Variants in ADARB2 observed in about 807,000 individuals in gnomAD.
The protein encoded by ADARB2 is inactive double-stranded RNA-specific editase B2.
A neutral mutation model predicts 62.2 loss-of-function variants in ADARB2; 25 were observed. The ratio of observed to expected loss-of-function variants is 0.40; its 90% CI spans 0.29 to 0.56. The LOEUF is 0.56. Among genes scored for constraint, ADARB2 ranks in the 20% least tolerant of loss-of-function variants. The pLI, the probability that ADARB2 is intolerant of heterozygous loss-of-function variation, is 0.43. For missense variants in ADARB2, 1,071 were observed against 1,077.4 expected (o/e 0.99, Z 0.08); for synonymous variants, 572 against 500.8 (o/e 1.14, Z -1.90).
chr10:1,493,084 A>G (rs1227377529), intron 1 of ADARB2, among the ~76,000 whole-genome samples: 1 of 152,218 alleles, frequency 6.6e-6, no homozygotes, highest in Admixed American at 6.5e-5. Flanking sequence ...AGTTGTAAAA[A>G]TGCTTCATCA....
At chr10:1,645,208 T>C (rs1395862347) in intron 1 of ADARB2, among the ~76,000 whole-genome samples, 1 of 152,210 alleles carries the variant, frequency 6.6e-6, no homozygotes, top group Non-Finnish European at 1.5e-5. Context: ...GATTAGCCAA[T>C]AGCACGATTC....
At chr10:1,425,138 G>A (rs1832884147) in intron 1 of ADARB2, among the ~76,000 whole-genome samples, 1 of 152,146 alleles carries the variant, frequency 6.6e-6, no homozygotes, top group Admixed American at 6.5e-5. Flanking sequence ...TTGCTCCATG[G>A]TATTTTAAGT....
intron 1 of ADARB2, among the ~76,000 whole-genome samples, chr10:1,457,479 G>A (rs2820632): frequency 0.67 from 101,716 of 152,016 alleles, 34,795 homozygotes; most frequent in Non-Finnish European, 0.75. Flanking sequence ...ACATAAAAGC[G>A]TATTGCTGCA....
chr10:1,332,485 T>TG (rs1831938782), intron 3 of ADARB2, among the ~76,000 whole-genome samples: 2 of 144,082 alleles, frequency 1.4e-5, no homozygotes, highest in African/African-American at 4.9e-5. Flanking sequence ...AGTTTTGTTT[T>TG]TTTTTTTTTT....
At position 1,187,386 on chromosome 10, in the gene ADARB2, C is replaced by T. The variant is rs185001426; in HGVS notation, c.1865-2347G>A. On this transcript the variant is annotated intron_variant, in intron 8 of 9. Coordinates refer to ENST00000381312, the MANE Select transcript of ADARB2 (RefSeq NM_018702.4). ...ACCAGGCGGCCTCCCCTCCTCCTCCCGCTCCCATCGCCAGGCGGCCTCCCC... is the reference window on the plus strand; with the variant it reads ...ACCAGGCGGCCTCCCCTCCTCCTCCTGCTCCCATCGCCAGGCGGCCTCCCC... 1.1e-3 allele frequency among the ~76,000 whole-genome samples: 169 copies of T among 152,004 alleles called. 3 individuals carry two copies. In the East Asian group the frequency reaches 0.028, roughly 25 times the overall value.
chr10:1,521,745 C>A (rs530563634), intron 1 of ADARB2, among the ~76,000 whole-genome samples: 2 of 152,026 alleles, frequency 1.3e-5, no homozygotes, highest in African/African-American at 4.8e-5. Context: ...ATGCTTAAAT[C>A]TATCTATAAG....
chr10:1,242,963 T>A lies in ADARB2; in HGVS notation c.1193-664A>T, dbSNP rs190555721. ...AAAGTATAATATTCATCACTTTGTT[T>A]AAGGAGGAGAAGCTGGAAGACACAA... On this transcript the variant is annotated intron_variant, in intron 4 of 9. Coordinates refer to ENST00000381312, the MANE Select transcript of ADARB2 (RefSeq NM_018702.4). Among the ~76,000 whole-genome samples, 120 of 152,304 alleles carry A rather than the reference T, an allele frequency of 7.9e-4. 1 individual carries two copies. Among genetic ancestry groups the A allele is most frequent in the Admixed American group, 2.4e-3 (36 of 15,300 alleles).
chr10:1,627,682 A>G (rs188134254), intron 1 of ADARB2, among the ~76,000 whole-genome samples: 2 of 152,214 alleles, frequency 1.3e-5, no homozygotes, highest in African/African-American at 4.8e-5. Flanking sequence ...TACAGATTAC[A>G]CTAGAAAGAG....
At chr10:1,190,146 C>G (rs918327144) in intron 8 of ADARB2, among the ~76,000 whole-genome samples, 1 of 151,458 alleles carries the variant, frequency 6.6e-6, no homozygotes, top group Non-Finnish European at 1.5e-5. Context: ...GGAGTCTGAA[C>G]TCAGAAAACA....
intron 1 of ADARB2, among the ~76,000 whole-genome samples, chr10:1,647,840 G>T (rs1438349919): frequency 6.6e-6 from 1 of 151,830 alleles, no homozygotes; most frequent in African/African-American, 2.4e-5. Flanking sequence ...GTGTATATAT[G>T]CATGTGTGTA....
chr10:1,319,697 C>T (rs1303904587), intron 3 of ADARB2, among the ~76,000 whole-genome samples: 1 of 140,412 alleles, frequency 7.1e-6, no homozygotes, highest in Non-Finnish European at 1.6e-5. Flanking sequence ...ATGTTTCCCT[C>T]TTTGTCTTGA....
At chr10:1,434,474 A>G (rs939752311) in intron 1 of ADARB2, among the ~76,000 whole-genome samples, 1 of 152,188 alleles carries the variant, frequency 6.6e-6, no homozygotes, top group Non-Finnish European at 1.5e-5. Flanking sequence ...GAAGTTGAAC[A>G]TCAGAAGCCA....
chr10:1,581,774 TAGAG>T (rs769501605), intron 1 of ADARB2, among the ~76,000 whole-genome samples: 9 of 151,210 alleles, frequency 6.0e-5, no homozygotes, highest in Middle Eastern at 3.2e-3. Context: ...ACATAGTGCA[TAGAG>T]AGAGACACAG....
At chr10:1,342,504 G>A (rs1369099574) in intron 3 of ADARB2, among the ~76,000 whole-genome samples, 1 of 152,228 alleles carries the variant, frequency 6.6e-6, no homozygotes, top group African/African-American at 2.4e-5. Flanking sequence ...GAGGAGCTTT[G>A]GGAAGCCAGT....
intron 1 of ADARB2, among the ~76,000 whole-genome samples, chr10:1,559,506 G>C (rs1275311438): frequency 1.3e-5 from 2 of 152,126 alleles, no homozygotes; most frequent in African/African-American, 4.8e-5. Flanking sequence ...TGGCTCAAAG[G>C]ACAGATGCCC....
chr10:1,287,505 T>C (rs1297043488), intron 3 of ADARB2, among the ~76,000 whole-genome samples: 1 of 152,168 alleles, frequency 6.6e-6, no homozygotes, highest in African/African-American at 2.4e-5. Flanking sequence ...ACCTGAAACC[T>C]CGCGTGCTCT....
At chr10:1,559,361 G>A (rs1044158510) in intron 1 of ADARB2, among the ~76,000 whole-genome samples, 25 of 152,202 alleles carry the variant, frequency 1.6e-4, no homozygotes, top group African/African-American at 6.0e-4. Flanking sequence ...GCTAACGTGC[G>A]TGGTGAGGTC....
intron 1 of ADARB2, among the ~76,000 whole-genome samples, chr10:1,519,149 C>G (rs1471528624): frequency 6.6e-6 from 1 of 151,854 alleles, no homozygotes; most frequent in African/African-American, 2.4e-5. Context: ...GTGATATTGT[C>G]ATACGCATGC....
At chr10:1,455,399 C>A (rs1225120664) in intron 1 of ADARB2, among the ~76,000 whole-genome samples, 1 of 152,078 alleles carries the variant, frequency 6.6e-6, no homozygotes, top group African/African-American at 2.4e-5. Flanking sequence ...GCTATTCAGA[C>A]TATGATGATA....
Sources: gnomAD v4.1 joint callset for allele counts (sites outside exome capture counted in the v4.1 genomes callset) on GRCh38, gnomAD v4.1.1 for gene constraint, MANE v1.5 for transcripts, NCBI Gene and HGNC (gene_info 2026-07-23, HGNC 2026-07-21) for gene names.